The following NTF3 variants were observed in gnomAD, a reference collection of about 807,000 sequenced individuals.
NTF3 encodes the protein neurotrophin 3.
Under a neutral mutation model 26.3 loss-of-function variants are expected in NTF3, and 8 were observed. The observed-to-expected ratio is 0.30, with a 90% CI of 0.18 to 0.55. NTF3 has a LOEUF of 0.55. Ranked by LOEUF, NTF3 falls within the 20% of genes least tolerant of loss-of-function variation. The pLI is 0.93. For synonymous variants in NTF3, 154 were observed against 145.5 expected, an observed-to-expected ratio of 1.06 and a Z score of -0.42; for missense variants, 276 against 352.9, an observed-to-expected ratio of 0.78 and a Z score of 1.75.
Position 5,494,997 on chromosome 12 carries a change from C to A in NTF3, c.*9C>A. The A allele has an allele frequency of 6.2e-7, 1 of 1,610,332 alleles. No individual in the cohort carries two copies. Among genetic ancestry groups the A allele is most frequent in the Non-Finnish European group, 8.5e-7 (1 of 1,177,776 alleles). On this transcript the variant is annotated 3_prime_UTR_variant, in exon 2 of 2. Transcript: ENST00000423158. This position sits in a 1 kb window ranked among gnomAD's most constrained non-coding sequence, Gnocchi z 8.3. ...AAATCGGAAGAACATGAATTGGCAT[C>A]TCTCCCCATATATAAATTATTACTT...
At position 5,435,398 on chromosome 12, in the gene NTF3, CT is replaced by C. The variant is rs1156704205; in HGVS notation, c.18+3058del. Reference sequence around the variant, plus strand: ...TGCCAGAAATAGACAGAGCTCGACGCTTGTTGAGGTTTCTTCAAGGTCTATA... The same window carrying C: ...TGCCAGAAATAGACAGAGCTCGACGCTGTTGAGGTTTCTTCAAGGTCTATA... On this transcript the variant is annotated intron_variant, in intron 1 of 1. Coordinates refer to ENST00000423158, the MANE Select transcript of NTF3 (RefSeq NM_001102654.2). 8.5e-5 allele frequency among the ~76,000 whole-genome samples: 13 copies of C among 152,296 alleles called. No homozygotes were observed. The East Asian group carries it at 2.3e-3, about 27-fold the overall frequency.
chr12:5,482,497 T>C (rs1438329833), intron 1 of NTF3, among the ~76,000 whole-genome samples: 2 of 152,216 alleles, frequency 1.3e-5, no homozygotes, highest in Non-Finnish European at 2.9e-5. Flanking sequence ...TCACTGGCTT[T>C]GGAGATGGTG....
chr12:5,437,137 G>A (rs1352405822), intron 1 of NTF3, among the ~76,000 whole-genome samples: 2 of 152,166 alleles, frequency 1.3e-5, no homozygotes, highest in African/African-American at 2.4e-5. Context: ...GTCGTAGAGG[G>A]GCATGGAAAC....
intron 1 of NTF3, among the ~76,000 whole-genome samples, chr12:5,442,984 G>C (rs866336734): frequency 9.9e-5 from 15 of 152,196 alleles, no homozygotes; most frequent in Admixed American, 2.0e-4. Flanking sequence ...GCATCTGGGT[G>C]GTAGGGACTA....
At chr12:5,440,077 GTTTGAAGA>G (rs1472756514) in intron 1 of NTF3, among the ~76,000 whole-genome samples, 2 of 152,134 alleles carry the variant, frequency 1.3e-5, no homozygotes, top group Non-Finnish European at 2.9e-5. Context: ...ATGTTGCCCT[GTTTGAAGA>G]TTGTGACTAA....
At chr12:5,454,138 G>A (rs914511769) in intron 1 of NTF3, among the ~76,000 whole-genome samples, 1 of 152,206 alleles carries the variant, frequency 6.6e-6, no homozygotes, top group East Asian at 1.9e-4. Context: ...CAAGATCAAG[G>A]TTGCGGTCAG....
intron 1 of NTF3, among the ~76,000 whole-genome samples, chr12:5,445,123 T>C (rs1165606515): frequency 1.3e-5 from 2 of 152,178 alleles, no homozygotes; most frequent in Admixed American, 6.5e-5. Flanking sequence ...CCAGAAAATC[T>C]GAAACTGTGG....
chr12:5,442,386 G>A (rs530339079), intron 1 of NTF3, among the ~76,000 whole-genome samples: 125 of 152,304 alleles, frequency 8.2e-4, no homozygotes, highest in Non-Finnish European at 1.3e-3. Flanking sequence ...CTTGTGGGGA[G>A]AGTCGGGGGA....
intron 1 of NTF3, among the ~76,000 whole-genome samples, chr12:5,467,999 C>T (rs899145649): frequency 6.6e-6 from 1 of 152,200 alleles, no homozygotes; most frequent in African/African-American, 2.4e-5. Flanking sequence ...CTCCACCCCC[C>T]ACATTTTCCC....
intron 1 of NTF3, among the ~76,000 whole-genome samples, chr12:5,467,215 C>T (rs992858975): frequency 3.7e-5 from 4 of 108,926 alleles, no homozygotes; most frequent in Non-Finnish European, 5.0e-5. Flanking sequence ...TGCAACAGAG[C>T]GAGACTCCGT....
chr12:5,485,663 G>A (rs1357301230), intron 1 of NTF3, among the ~76,000 whole-genome samples: 1 of 152,208 alleles, frequency 6.6e-6, no homozygotes, highest in Admixed American at 6.5e-5. Flanking sequence ...GAGTGTTTGT[G>A]CCAAAATTGC....
intron 1 of NTF3, among the ~76,000 whole-genome samples, chr12:5,448,433 A>G (rs1186801418): frequency 6.6e-6 from 1 of 152,032 alleles, no homozygotes; most frequent in Non-Finnish European, 1.5e-5. Flanking sequence ...ATTCTCCGAC[A>G]TGCCTCGGAT....
intron 1 of NTF3, among the ~76,000 whole-genome samples, chr12:5,447,012 T>C (rs1020215701): frequency 1.3e-5 from 2 of 152,168 alleles, no homozygotes; most frequent in African/African-American, 2.4e-5. Context: ...CAAGTACTGC[T>C]ACCTGAACTG....
intron 1 of NTF3, among the ~76,000 whole-genome samples, chr12:5,449,071 A>G (rs987422210): frequency 2.0e-5 from 3 of 152,226 alleles, no homozygotes; most frequent in African/African-American, 7.2e-5. Context: ...GGAAATGACT[A>G]GGGCCATGGA....
intron 1 of NTF3, among the ~76,000 whole-genome samples, chr12:5,434,559 G>T (rs1381759577): frequency 6.6e-6 from 1 of 151,722 alleles, no homozygotes; most frequent in Non-Finnish European, 1.5e-5. Context: ...TGCCTGGGAG[G>T]TGTGTGTTTC....
intron 1 of NTF3, among the ~76,000 whole-genome samples, chr12:5,482,888 GT>G (rs1042083834): frequency 1.4e-3 from 206 of 144,568 alleles, no homozygotes; most frequent in African/African-American, 5.1e-3. Context: ...CTCTGTGTGT[GT>G]TTTTTTTTCT....
At chr12:5,439,475 C>A (rs1031718074) in intron 1 of NTF3, among the ~76,000 whole-genome samples, 10 of 152,110 alleles carry the variant, frequency 6.6e-5, no homozygotes, top group African/African-American at 2.4e-4. Flanking sequence ...GTTGGTCACC[C>A]CATAGGGTAA....
At chr12:5,468,281 G>A (rs895429929) in intron 1 of NTF3, among the ~76,000 whole-genome samples, 7 of 152,114 alleles carry the variant, frequency 4.6e-5, no homozygotes, top group Non-Finnish European at 8.8e-5. Flanking sequence ...GTTTTCCACC[G>A]TGCCTGTAAT....
At chr12:5,458,707 G>T (rs749987078) in intron 1 of NTF3, among the ~76,000 whole-genome samples, 1 of 152,164 alleles carries the variant, frequency 6.6e-6, no homozygotes, top group African/African-American at 2.4e-5. Context: ...CCCATGCCAC[G>T]CAACCAGGCA....
Sources: gnomAD v4.1 joint callset for allele counts (sites outside exome capture counted in the v4.1 genomes callset) on GRCh38, gnomAD v4.1.1 for gene constraint, Gnocchi (gnomAD v3.1) non-coding constraint, MANE v1.5 for transcripts, NCBI Gene and HGNC (gene_info 2026-07-23, HGNC 2026-07-21) for gene names.